ABTB2: variants seen among roughly 807,000 people sequenced by gnomAD.
The protein encoded by ABTB2 is ankyrin repeat and BTB/POZ domain-containing protein 2.
Under a neutral mutation model 104.1 loss-of-function variants are expected in ABTB2, and 56 were observed. The ratio of observed to expected loss-of-function variants is 0.54; its 90% CI spans 0.43 to 0.67. The LOEUF is 0.67. ABTB2 is among the 30% of genes least tolerant of loss of function. The pLI, the probability that ABTB2 is intolerant of heterozygous loss-of-function variation, is 0.00. For synonymous variants in ABTB2, 606 were observed against 608.2 expected, an observed-to-expected ratio of 1.00 and a Z score of 0.05; for missense variants, 1,279 against 1,407.7, an observed-to-expected ratio of 0.91 and a Z score of 1.46.
chr11:34,172,347 G>A (rs1852884974), intron 4 of ABTB2, among the ~76,000 whole-genome samples: 1 of 131,956 alleles, frequency 7.6e-6, no homozygotes. Flanking sequence ...ACTCCAGCCT[G>A]GGCAACAGAG....
At chr11:34,186,420 G>A (rs1425488221) in intron 3 of ABTB2, among the ~76,000 whole-genome samples, 1 of 152,198 alleles carries the variant, frequency 6.6e-6, no homozygotes, top group African/African-American at 2.4e-5. Context: ...CCATCCTGAG[G>A]GTCTGAATGC....
chr11:34,233,012 C>T (rs1218035296), intron 1 of ABTB2, among the ~76,000 whole-genome samples: 1 of 148,572 alleles, frequency 6.7e-6, no homozygotes, highest in African/African-American at 2.5e-5. Context: ...AAAACATATA[C>T]TACCCCCTCC....
intron 1 of ABTB2, among the ~76,000 whole-genome samples, chr11:34,294,697 C>T (rs1354464422): frequency 2.6e-5 from 4 of 151,672 alleles, no homozygotes; most frequent in Admixed American, 1.3e-4. Context: ...CATAGTGAGC[C>T]CTCGTGTCTC....
chr11:34,201,790 C>T (rs888401524), intron 2 of ABTB2, among the ~76,000 whole-genome samples: 4 of 152,248 alleles, frequency 2.6e-5, no homozygotes, highest in Non-Finnish European at 4.4e-5. Context: ...ATGACACAGC[C>T]TGTTCTCTGG....
intron 3 of ABTB2, among the ~76,000 whole-genome samples, chr11:34,184,164 C>G (rs557596143): frequency 6.6e-6 from 1 of 151,922 alleles, no homozygotes; most frequent in South Asian, 2.1e-4. Flanking sequence ...AGCACTCTCA[C>G]GAAAGGGGGA....
chr11:34,213,021 G>C (rs1029121319), intron 1 of ABTB2, among the ~76,000 whole-genome samples: 1 of 152,130 alleles, frequency 6.6e-6, no homozygotes, highest in Non-Finnish European at 1.5e-5. Flanking sequence ...CCGAACACCG[G>C]GCTGGATTCA....
chr11:34,209,848 G>T (rs1279867053), intron 1 of ABTB2, among the ~76,000 whole-genome samples: 2 of 132,750 alleles, frequency 1.5e-5, no homozygotes, highest in Non-Finnish European at 3.3e-5. Flanking sequence ...GTTGGGGTGG[G>T]GGTGGGGGTG....
chr11:34,251,564 C>T (rs1039726990), intron 1 of ABTB2, among the ~76,000 whole-genome samples: 6 of 152,152 alleles, frequency 3.9e-5, no homozygotes, highest in African/African-American at 1.2e-4. Context: ...TGGGGGAAGC[C>T]GCGCACTCTC....
At chr11:34,256,518 G>A (rs1407970060) in intron 1 of ABTB2, among the ~76,000 whole-genome samples, 1 of 152,218 alleles carries the variant, frequency 6.6e-6, no homozygotes, top group East Asian at 1.9e-4. Flanking sequence ...TGGTGGCTGT[G>A]TAAAAAGCTG....
intron 3 of ABTB2, among the ~76,000 whole-genome samples, chr11:34,185,672 G>A (rs1008551416): frequency 2.0e-5 from 3 of 152,220 alleles, no homozygotes; most frequent in Non-Finnish European, 4.4e-5. Flanking sequence ...GGTCACTGGA[G>A]GCTGGAGTGG....
chr11:34,274,800 G>A (rs527998922), intron 1 of ABTB2, among the ~76,000 whole-genome samples: 3 of 152,194 alleles, frequency 2.0e-5, no homozygotes, highest in Non-Finnish European at 2.9e-5. Flanking sequence ...AGTCTTGGCC[G>A]AGTGCAGTAT....
At chr11:34,165,407 C>G (rs1203641633) in intron 7 of ABTB2, 51 bp from the exon 8 acceptor site, 1 of 1,506,694 alleles carries the variant, frequency 6.6e-7, no homozygotes, top group Non-Finnish European at 9.0e-7. Flanking sequence ...CAGGGAGCAC[C>G]TGGGAAGGGC....
At chr11:34,289,576 A>G (rs1235173778) in intron 1 of ABTB2, among the ~76,000 whole-genome samples, 6 of 152,218 alleles carry the variant, frequency 3.9e-5, no homozygotes, top group Admixed American at 3.9e-4. Context: ...GCCTGACTCC[A>G]GGACCGTAAG....
At chr11:34,221,132 G>A (rs750688565) in intron 1 of ABTB2, among the ~76,000 whole-genome samples, 4 of 152,048 alleles carry the variant, frequency 2.6e-5, no homozygotes, top group Admixed American at 2.0e-4. Flanking sequence ...CACCACGCCC[G>A]GCTAATTTTT....
At chr11:34,158,024 C>G (rs1006666097) in intron 14 of ABTB2, among the ~76,000 whole-genome samples, 1 of 152,226 alleles carries the variant, frequency 6.6e-6, no homozygotes, top group Admixed American at 6.5e-5. Flanking sequence ...ACCTACCTCC[C>G]TGGAACTGTG....
At chr11:34,216,165 A>G (rs1565143460) in intron 1 of ABTB2, among the ~76,000 whole-genome samples, 1 of 152,216 alleles carries the variant, frequency 6.6e-6, no homozygotes, top group Non-Finnish European at 1.5e-5. Context: ...TTGGATACAA[A>G]GGGCTGTGAT....
chr11:34,346,429 C>CG (rs1257027466), intron 1 of ABTB2, among the ~76,000 whole-genome samples: 1 of 152,068 alleles, frequency 6.6e-6, no homozygotes, highest in Non-Finnish European at 1.5e-5. Flanking sequence ...AGCATGAGGT[C>CG]GGCCAAAAGC....
chr11:34,161,210 T>G, intron 10 of ABTB2, 129 bp from the exon 11 acceptor site: 1 of 834,214 alleles, frequency 1.2e-6, no homozygotes, highest in Non-Finnish European at 1.7e-6. Flanking sequence ...GCCCGCCCCC[T>G]CCCGCCTGCC....
Position 34,152,278 on chromosome 11 carries a change from A to C in ABTB2, c.*109T>G. On this transcript the variant is annotated 3_prime_UTR_variant, in exon 17 of 17. Coordinates refer to ENST00000435224, the MANE Select transcript of ABTB2 (RefSeq NM_145804.3). ...CAGGGGGGACATCTGGGGGAGGAGG[A>C]GGAAACAGCCCCGTGAACCTGGCTC... 8.1e-7 allele frequency: 1 copy of C among 1,232,994 alleles called. No homozygotes were observed. The highest frequency in any genetic ancestry group is 1.1e-6 in the Non-Finnish European group (1 of 899,356). The allele number at this position is 1,232,994 out of a possible 1,614,324, so 76.4% of individuals were successfully genotyped here. A position where few individuals can be genotyped will look rare whatever the true frequency, so the allele number is the denominator to read the frequency against.
Sources: allele counts gnomAD v4.1 joint callset (sites outside exome capture counted in the v4.1 genomes callset), GRCh38; gene constraint gnomAD v4.1.1; transcripts MANE v1.5; gene names NCBI Gene and HGNC (gene_info 2026-07-23, HGNC 2026-07-21).